The following KIAA1671 variants were observed in gnomAD, a reference collection of about 807,000 sequenced individuals.
KIAA1671 encodes uncharacterized protein KIAA1671.
A neutral mutation model predicts 131.2 loss-of-function variants in KIAA1671; 52 were observed. That is an observed-to-expected ratio of 0.40 (90% CI 0.32 to 0.50). The LOEUF is 0.50. Ranked by LOEUF, KIAA1671 falls within the 20% of genes least tolerant of loss-of-function variation. The probability of loss-of-function intolerance (pLI) is 0.73; values close to 1 mark genes in which losing one functional copy is unlikely to be tolerated. For synonymous variants in KIAA1671, 1,003 were observed against 961.6 expected (o/e 1.04, Z -0.80); for missense variants, 2,360 against 2,364.2 (o/e 1.00, Z 0.04).
At chr22:25,093,802 C>CTCTCTCTCTCTCTCTCTT (rs1930225095) in intron 6 of KIAA1671, among the ~76,000 whole-genome samples, 1 of 141,128 alleles carries the variant, frequency 7.1e-6, no homozygotes, top group African/African-American at 2.6e-5. Context: ...CTCTCTCTCT[C>CTCTCTCTCTCTCTCTCTT]TCTCTCTCTG....
intron 1 of KIAA1671, among the ~76,000 whole-genome samples, chr22:25,001,570 G>T (rs1027192890): frequency 2.0e-5 from 3 of 152,192 alleles, no homozygotes; most frequent in African/African-American, 7.2e-5. Flanking sequence ...GGGTGGGGGA[G>T]ATTGGCCCCA....
intron 6 of KIAA1671, among the ~76,000 whole-genome samples, chr22:25,136,818 T>C (rs1932697883): frequency 6.6e-6 from 1 of 152,122 alleles, no homozygotes; most frequent in Admixed American, 6.5e-5. Flanking sequence ...CCAATAATGG[T>C]TTTTTTCTTT....
At chr22:25,043,979 G>T (rs1336024359) in intron 5 of KIAA1671, among the ~76,000 whole-genome samples, 1 of 151,304 alleles carries the variant, frequency 6.6e-6, no homozygotes, top group African/African-American at 2.5e-5. Flanking sequence ...TCTGGAAGTG[G>T]ATGCTGCAGA....
chr22:25,020,768 T>C (rs1306212182), intron 1 of KIAA1671, among the ~76,000 whole-genome samples: 1 of 152,194 alleles, frequency 6.6e-6, no homozygotes, highest in Non-Finnish European at 1.5e-5. Flanking sequence ...CGAGAAAGCG[T>C]ACACTGTGTT....
Position 25,075,836 on chromosome 22 carries a change from C to T in KIAA1671, c.4530+26472C>T, listed in dbSNP as rs189756523. Among the ~76,000 whole-genome samples, 601 of 146,976 alleles carry T rather than the reference C, an allele frequency of 4.1e-3. 2 individuals carry two copies. The highest frequency in any genetic ancestry group is 6.3e-3 in the Non-Finnish European group (423 of 67,344). ...TTGTTCCCAGGCTGGAGTGCAGTGGCGCGATCTCGACTCACTGCAACCTCC... is the reference window on the plus strand; with the variant it reads ...TTGTTCCCAGGCTGGAGTGCAGTGGTGCGATCTCGACTCACTGCAACCTCC... On this transcript the variant is annotated intron_variant, in intron 6 of 12. Coordinates refer to ENST00000358431, the MANE Select transcript of KIAA1671 (RefSeq NM_001145206.2).
At chr22:24,985,377 T>C (rs1923465317) in intron 1 of KIAA1671, among the ~76,000 whole-genome samples, 1 of 151,730 alleles carries the variant, frequency 6.6e-6, no homozygotes, top group Non-Finnish European at 1.5e-5. Flanking sequence ...TCTCGCTCTG[T>C]CACCCAGGCT....
At chr22:25,045,661 C>T (rs941313415) in intron 5 of KIAA1671, among the ~76,000 whole-genome samples, 2 of 152,118 alleles carry the variant, frequency 1.3e-5, no homozygotes, top group Non-Finnish European at 2.9e-5. Flanking sequence ...AGGATCTTGG[C>T]TCACTGCAAC....
chr22:25,019,427 AAGC>A (rs1031852670), intron 1 of KIAA1671, among the ~76,000 whole-genome samples: 6 of 152,126 alleles, frequency 3.9e-5, no homozygotes, highest in African/African-American at 1.2e-4. Flanking sequence ...TTGCTTCTGA[AAGC>A]AGGCAGGAGA....
intron 1 of KIAA1671, among the ~76,000 whole-genome samples, chr22:24,986,884 C>T (rs1177496842): frequency 6.6e-6 from 1 of 151,966 alleles, no homozygotes; most frequent in Non-Finnish European, 1.5e-5. Context: ...CCCTTGCCCT[C>T]TGGAGGTCAC....
intron 6 of KIAA1671, among the ~76,000 whole-genome samples, chr22:25,127,349 G>A (rs1237406523): frequency 6.6e-6 from 1 of 152,152 alleles, no homozygotes; most frequent in African/African-American, 2.4e-5. Flanking sequence ...CCGTGGCACA[G>A]GCTCCACTGG....
chr22:25,123,899 CACTT>C (rs772685700), intron 6 of KIAA1671, among the ~76,000 whole-genome samples: 3 of 152,166 alleles, frequency 2.0e-5, no homozygotes, highest in Non-Finnish European at 4.4e-5. Flanking sequence ...CATTTCTTCT[CACTT>C]ACGCTTGTGG....
intron 1 of KIAA1671, among the ~76,000 whole-genome samples, chr22:25,017,111 G>A (rs933322623): frequency 4.1e-4 from 62 of 152,254 alleles, no homozygotes; most frequent in African/African-American, 1.2e-3. Flanking sequence ...GGCTGGGCGC[G>A]GTGGCTCATG....
Position 25,174,380 on chromosome 22 carries a change from C to G in KIAA1671, c.4790C>G (p.Thr1597Ser), listed in dbSNP as rs931475201. Reference protein sequence around the residue: ...QYDCSRDQRSTSVDHSSTDLE... With the variant: ...QYDCSRDQRSSSVDHSSTDLE... ...GACTGCTCCAGGGACCAGCGGAGCACCAGCGTGGACCACTCCAGCACTGAC... is the reference window on the plus strand; with the variant it reads ...GACTGCTCCAGGGACCAGCGGAGCAGCAGCGTGGACCACTCCAGCACTGAC... The change falls in exon 8 of 13, where the codon ACC becomes AGC. Residue 1597 changes from threonine to serine, a missense_variant. Physicochemically the swap from Thr to Ser is moderately conservative, Grantham distance 58. Around this residue, in one of 3 missense-constraint regions of KIAA1671, gnomAD observed 1,161 missense variants for 1,204.7 expected, o/e 0.96. Coordinates refer to ENST00000358431, the MANE Select transcript of KIAA1671 (RefSeq NM_001145206.2). The G allele has an allele frequency of 1.2e-5, 18 of 1,551,888 alleles. No individual in the cohort carries two copies. Among genetic ancestry groups the G allele is most frequent in the Admixed American group, 2.0e-5 (1 of 50,984 alleles).
chr22:25,150,528 C>T (rs1294437895), intron 6 of KIAA1671, among the ~76,000 whole-genome samples: 1 of 152,206 alleles, frequency 6.6e-6, no homozygotes, highest in Non-Finnish European at 1.5e-5. Flanking sequence ...CGGGCTGCCC[C>T]TGCCTCCCCC....
chr22:24,994,706 T>G (rs531298210), intron 1 of KIAA1671, among the ~76,000 whole-genome samples: 162 of 152,284 alleles, frequency 1.1e-3, no homozygotes, highest in Non-Finnish European at 1.6e-3. Context: ...TTCCTGCTTC[T>G]GCCTGAGATC....
intron 5 of KIAA1671, among the ~76,000 whole-genome samples, chr22:25,046,919 T>C (rs1927267388): frequency 6.6e-6 from 1 of 151,996 alleles, no homozygotes; most frequent in African/African-American, 2.4e-5. Flanking sequence ...AGGATCTCTG[T>C]TGAACCCACA....
rs376384867 is a variant in KIAA1671, at chr22:25,048,097, C to G, written c.4396-1133C>G. Among the ~76,000 whole-genome samples, 301 of 152,248 alleles carry G rather than the reference C, an allele frequency of 2.0e-3. 7 individuals carry two copies. In the South Asian group the frequency reaches 0.04, roughly 20 times the overall value. On this transcript the variant is annotated intron_variant, in intron 5 of 12. Coordinates refer to ENST00000358431, the MANE Select transcript of KIAA1671 (RefSeq NM_001145206.2). Reference sequence around the variant, plus strand: ...ATGGGGAGGAGAATGGAGGGCAACCCGAAGGTCTTGGCCTCCCCAGCTGGG... The same window carrying G: ...ATGGGGAGGAGAATGGAGGGCAACCGGAAGGTCTTGGCCTCCCCAGCTGGG...
chr22:25,174,200 T>A, intron 7 of KIAA1671, 40 bp from the exon 8 acceptor site: 1 of 1,543,408 alleles, frequency 6.5e-7, no homozygotes, highest in Non-Finnish European at 8.8e-7. Flanking sequence ...TCTGAAACGT[T>A]CTCCATAACC....
At chr22:25,157,141 A>G (rs1398633798) in intron 6 of KIAA1671, among the ~76,000 whole-genome samples, 1 of 152,222 alleles carries the variant, frequency 6.6e-6, no homozygotes, top group African/African-American at 2.4e-5. Flanking sequence ...TAAAAGAATT[A>G]TATACTTACA....
Sources: allele counts gnomAD v4.1 joint callset (sites outside exome capture counted in the v4.1 genomes callset), GRCh38; gene constraint gnomAD v4.1.1; regional missense constraint gnomAD v4.1.1; transcripts MANE v1.5; gene names NCBI Gene and HGNC (gene_info 2026-07-23, HGNC 2026-07-21).